LRP1B: variants seen among roughly 807,000 people sequenced by gnomAD.
LRP1B encodes low-density lipoprotein receptor-related protein 1B.
LRP1B carries 217 observed loss-of-function variants against 556.6 expected under a neutral mutation model. The observed-to-expected ratio is 0.39, with a 90% CI of 0.35 to 0.44. The LOEUF is 0.44. Ranked by LOEUF, LRP1B falls within the 20% of genes least tolerant of loss-of-function variation. LRP1B has a pLI of 1.00. For synonymous variants in LRP1B, 2,047 were observed against 1,865.8 expected, an observed-to-expected ratio of 1.10 and a Z score of -2.50; for missense variants, 5,053 against 5,620.8, an observed-to-expected ratio of 0.90 and a Z score of 3.23.
At chr2:140,820,893 C>T (rs1386478400) in intron 31 of LRP1B, among the ~76,000 whole-genome samples, 1 of 147,242 alleles carries the variant, frequency 6.8e-6, no homozygotes, top group Non-Finnish European at 1.5e-5. Flanking sequence ...GAAAGCCCCT[C>T]CTCTTTCTGT....
At chr2:141,031,576 G>A (rs1007322556) in intron 11 of LRP1B, among the ~76,000 whole-genome samples, 1 of 151,866 alleles carries the variant, frequency 6.6e-6, no homozygotes, top group African/African-American at 2.4e-5. Flanking sequence ...AATATGTATA[G>A]ATTACAAAAA....
intron 5 of LRP1B, among the ~76,000 whole-genome samples, chr2:141,244,669 G>A (rs1221876471): frequency 1.3e-5 from 2 of 152,080 alleles, no homozygotes; most frequent in Admixed American, 6.6e-5. Flanking sequence ...AGTATCCTCT[G>A]GTTCACTTCC....
chr2:141,423,665 AC>A (rs1320375788), intron 3 of LRP1B, among the ~76,000 whole-genome samples: 4 of 152,086 alleles, frequency 2.6e-5, no homozygotes, highest in Admixed American at 2.6e-4. Flanking sequence ...CTTTGCATGC[AC>A]CCCCAGAACT....
chr2:140,797,290 C>T (rs1690350393), intron 32 of LRP1B, among the ~76,000 whole-genome samples: 1 of 152,010 alleles, frequency 6.6e-6, no homozygotes, highest in African/African-American at 2.4e-5. Flanking sequence ...TTCTCCACAG[C>T]TAGATAATTT....
intron 3 of LRP1B, among the ~76,000 whole-genome samples, chr2:141,289,696 T>C (rs973484398): frequency 6.6e-6 from 1 of 152,178 alleles, no homozygotes; most frequent in Non-Finnish European, 1.5e-5. Context: ...TATTTCTTTA[T>C]GCTTTAAAGA....
At chr2:141,326,222 ATAAGT>A (rs1687422565) in intron 3 of LRP1B, among the ~76,000 whole-genome samples, 1 of 152,140 alleles carries the variant, frequency 6.6e-6, no homozygotes, top group Admixed American at 6.6e-5. Flanking sequence ...TATGATACAG[ATAAGT>A]TAATTTTTTA....
At chr2:141,025,692 C>T (rs1446407704) in intron 11 of LRP1B, among the ~76,000 whole-genome samples, 2 of 152,022 alleles carry the variant, frequency 1.3e-5, no homozygotes, top group African/African-American at 4.8e-5. Context: ...CTTTCCAGTT[C>T]CCATAATTGT....
At chr2:141,877,993 A>G (rs1431316571) in intron 1 of LRP1B, among the ~76,000 whole-genome samples, 5 of 151,964 alleles carry the variant, frequency 3.3e-5, no homozygotes, top group Admixed American at 6.6e-5. Context: ...ACTTCTTGGC[A>G]TATGTCAAAA....
chr2:142,024,325 G>A (rs1413524327), intron 1 of LRP1B, among the ~76,000 whole-genome samples: 2 of 152,132 alleles, frequency 1.3e-5, no homozygotes, highest in Non-Finnish European at 2.9e-5. Context: ...TAACAGTTTA[G>A]GGCATTGTTC....
intron 2 of LRP1B, among the ~76,000 whole-genome samples, chr2:141,727,545 G>A (rs1355615268): frequency 6.6e-6 from 1 of 152,090 alleles, no homozygotes; most frequent in Non-Finnish European, 1.5e-5. Context: ...TTTCAATCCT[G>A]GTTATCCCAC....
chr2:140,355,329 C>T (rs1459956814), intron 75 of LRP1B, among the ~76,000 whole-genome samples: 2 of 151,416 alleles, frequency 1.3e-5, no homozygotes, highest in African/African-American at 2.4e-5. Context: ...AAATAAATAC[C>T]ATAGTTTGAA....
At chr2:141,832,633 T>C (rs1231369841) in intron 1 of LRP1B, among the ~76,000 whole-genome samples, 1 of 151,786 alleles carries the variant, frequency 6.6e-6, no homozygotes, top group Non-Finnish European at 1.5e-5. Context: ...ATTCTAATGC[T>C]GTGGAAAAGA....
intron 2 of LRP1B, among the ~76,000 whole-genome samples, chr2:141,610,315 T>C (rs1055746262): frequency 1.1e-4 from 5 of 47,130 alleles, no homozygotes; most frequent in African/African-American, 2.0e-4. Flanking sequence ...CTTTAAAACT[T>C]AAAGTATAAT....
At chr2:140,482,253 T>C (rs967770813) in intron 59 of LRP1B, among the ~76,000 whole-genome samples, 3 of 152,188 alleles carry the variant, frequency 2.0e-5, no homozygotes, top group Non-Finnish European at 4.4e-5. Flanking sequence ...TCCAGAAATA[T>C]GAGTTGAATA....
At chr2:142,105,540 T>G (rs188337907) in intron 1 of LRP1B, among the ~76,000 whole-genome samples, 45 of 151,710 alleles carry the variant, frequency 3.0e-4, no homozygotes, top group Admixed American at 2.6e-3. Flanking sequence ...AATTTTCTGC[T>G]TATGGTTGAT....
intron 20 of LRP1B, among the ~76,000 whole-genome samples, chr2:140,939,459 A>C (rs1287258805): frequency 6.7e-6 from 1 of 149,120 alleles, no homozygotes; most frequent in Non-Finnish European, 1.5e-5. Context: ...AAACTTGTTA[A>C]AGATTTATAA....
At chr2:140,640,497 G>A (rs190107572) in intron 41 of LRP1B, among the ~76,000 whole-genome samples, 2,068 of 127,608 alleles carry the variant, frequency 0.016, 49 homozygotes, top group African/African-American at 0.055. Flanking sequence ...CCGGGTTCAC[G>A]CCATTCTCCC....
chr2:141,053,758 A>G (rs1699102289), intron 10 of LRP1B, among the ~76,000 whole-genome samples: 1 of 152,036 alleles, frequency 6.6e-6, no homozygotes, highest in Non-Finnish European at 1.5e-5. Context: ...ATTGAATAAT[A>G]GGCAATTCTG....
At chr2:141,397,483 A>G (rs1216230273) in intron 3 of LRP1B, among the ~76,000 whole-genome samples, 1 of 152,052 alleles carries the variant, frequency 6.6e-6, no homozygotes, top group Admixed American at 6.6e-5. Flanking sequence ...CAGGAAAAAA[A>G]CACAATATTA....
Sources: allele counts gnomAD v4.1 joint callset (sites outside exome capture counted in the v4.1 genomes callset), GRCh38; gene constraint gnomAD v4.1.1; transcripts MANE v1.5; gene names NCBI Gene and HGNC (gene_info 2026-07-23, HGNC 2026-07-21).